Variants in CDK5RAP2 observed in about 807,000 individuals in gnomAD.
CDK5RAP2 encodes the protein CDK5 regulatory subunit-associated protein 2.
A neutral mutation model predicts 232.9 loss-of-function variants in CDK5RAP2; 147 were observed. The observed-to-expected ratio is 0.63, with a 90% confidence interval of 0.55 to 0.72. CDK5RAP2 has a LOEUF of 0.72. CDK5RAP2 is among the 30% of genes least tolerant of loss of function. CDK5RAP2 has a pLI of 0.00. For synonymous variants in CDK5RAP2, 833 were observed against 833.7 expected, an observed-to-expected ratio of 1.00 and a Z score of 0.01; for missense variants, 2,195 against 2,231.5, an observed-to-expected ratio of 0.98 and a Z score of 0.33.
At chr9:120,409,830 C>T in intron 29 of CDK5RAP2, among the ~76,000 whole-genome samples, 1 of 152,272 alleles carries the variant, frequency 6.6e-6, no homozygotes, top group East Asian at 1.9e-4. Flanking sequence ...AGGCCACATT[C>T]AAGAGCAGCT....
chr9:120,414,842 A>G (rs1475273598), intron 28 of CDK5RAP2, among the ~76,000 whole-genome samples, 198 bp downstream of exon 28: 1 of 152,218 alleles, frequency 6.6e-6, no homozygotes, highest in Non-Finnish European at 1.5e-5. Flanking sequence ...TAAAATTCCT[A>G]TCTATTTCTC....
intron 12 of CDK5RAP2, among the ~76,000 whole-genome samples, chr9:120,507,419 G>C (rs1438457202): frequency 1.3e-5 from 2 of 152,100 alleles, no homozygotes. Flanking sequence ...AGTAGAAGCA[G>C]GATTTGAAAC....
chr9:120,496,640 G>A, intron 12 of CDK5RAP2, among the ~76,000 whole-genome samples: 1 of 147,522 alleles, frequency 6.8e-6, no homozygotes, highest in African/African-American at 2.5e-5. Flanking sequence ...CTACTGGGAA[G>A]TGAGGAGCCC....
chr9:120,422,600 G>A lies in CDK5RAP2; in HGVS notation c.4004+93C>T, dbSNP rs146375259. On this transcript the variant is annotated intron_variant, in intron 26 of 37. Transcript: ENST00000349780. ...ATTTACAAGAAGCAGGAAACAAACA[G>A]AATGGGAAGGAGCCAAAATATTTTA... 765 of 929,514 alleles carry A rather than the reference G, an allele frequency of 8.2e-4. 7 individuals are homozygous for A. In the African/African-American group the frequency reaches 0.01, roughly 13 times the overall value. 57.6% of individuals were successfully genotyped at this position (929,514 alleles called of 1,614,324 possible). A position where few individuals can be genotyped will look rare whatever the true frequency, so the allele number is the denominator to read the frequency against.
At chr9:120,470,816 G>A (rs1273897739) in intron 16 of CDK5RAP2, among the ~76,000 whole-genome samples, 1 of 151,374 alleles carries the variant, frequency 6.6e-6, no homozygotes, top group Non-Finnish European at 1.5e-5. Flanking sequence ...GGGGGCGGGG[G>A]GAAGATGTGT....
Position 120,455,584 on chromosome 9 carries a change from A to G in CDK5RAP2, c.2376-1711T>C, listed in dbSNP as rs1005681675. Among the ~76,000 whole-genome samples the G allele has an allele frequency of 1.1e-4, 16 of 152,040 alleles. No individual in the cohort carries two copies. In the South Asian group the frequency reaches 2.7e-3, roughly 26 times the overall value. On this transcript the variant is annotated intron_variant, in intron 20 of 37. Transcript: ENST00000349780. ...GGTGAAACCCTATCTCTACAAAAAA[A>G]TACAAAAAATTAGCCAGGGATGATG...
intron 4 of CDK5RAP2, among the ~76,000 whole-genome samples, chr9:120,548,569 A>G (rs1382030828): frequency 6.6e-6 from 1 of 152,214 alleles, no homozygotes; most frequent in African/African-American, 2.4e-5. Context: ...CACTTTGGGA[A>G]GCCAAGGCAG....
Position 120,536,377 on chromosome 9 carries a change from T to C in CDK5RAP2, c.657A>G (p.Lys219=). 1 of 1,614,112 alleles carries C rather than the reference T, an allele frequency of 6.2e-7. No homozygotes were observed. The highest frequency in any genetic ancestry group is 8.5e-7 in the Non-Finnish European group (1 of 1,179,972). The part of the protein sequence containing the change: ...DLAMALVLDE[K]DRLIEELKLS... ...GACAGGGACAAGAGCCAGACCTGTC[T>C]TTCTCATCCAGGACCAGAGCCATCG... is the stretch of plus-strand genomic sequence containing the variant. Residue 219 remains lysine (K), a synonymous_variant, in exon 7 of 38, where the codon AAA becomes AAG. Transcript: ENST00000349780.
At chr9:120,499,481 A>G (rs1476229469) in intron 12 of CDK5RAP2, among the ~76,000 whole-genome samples, 1 of 152,136 alleles carries the variant, frequency 6.6e-6, no homozygotes, top group Non-Finnish European at 1.5e-5. Context: ...TCTTTTCTTA[A>G]TTTTAAAATA....
intron 23 of CDK5RAP2, among the ~76,000 whole-genome samples, chr9:120,442,445 A>G (rs931324715): frequency 6.6e-6 from 1 of 152,242 alleles, no homozygotes; most frequent in African/African-American, 2.4e-5. Context: ...AAGATGTCAC[A>G]CGCAGCACCC....
At chr9:120,524,930 AC>A in intron 11 of CDK5RAP2, 55 bp downstream of exon 11, 1 of 1,246,190 alleles carries the variant, frequency 8.0e-7, no homozygotes, top group Non-Finnish European at 1.2e-6. Context: ...CAAAGTCCTC[AC>A]CTCACCAGGG....
At chr9:120,494,542 T>C (rs75662679) in intron 12 of CDK5RAP2, among the ~76,000 whole-genome samples, 7 of 152,224 alleles carry the variant, frequency 4.6e-5, no homozygotes, top group African/African-American at 1.2e-4. Flanking sequence ...AAATAAATAA[T>C]GATAGTAATG....
intron 17 of CDK5RAP2, among the ~76,000 whole-genome samples, 187 bp downstream of exon 17, chr9:120,469,924 G>C (rs1472613274): frequency 6.6e-6 from 1 of 152,066 alleles, no homozygotes; most frequent in Non-Finnish European, 1.5e-5. Flanking sequence ...CAGGCCTGGG[G>C]AGTTTATCAG....
chr9:120,467,509 AG>A (rs887812831), intron 18 of CDK5RAP2, among the ~76,000 whole-genome samples: 16 of 152,236 alleles, frequency 1.1e-4, no homozygotes, highest in Admixed American at 5.2e-4. Context: ...AGACCTCCCC[AG>A]GAACAGATGC....
intron 12 of CDK5RAP2, among the ~76,000 whole-genome samples, chr9:120,495,206 TC>T (rs2039126132): frequency 2.5e-5 from 1 of 40,798 alleles, no homozygotes; most frequent in Non-Finnish European, 4.7e-5. Context: ...TGGCCGCCCA[TC>T]GTCTGGGATG....
At chr9:120,556,460 G>A (rs562152996) in intron 3 of CDK5RAP2, among the ~76,000 whole-genome samples, 63 of 147,872 alleles carry the variant, frequency 4.3e-4, no homozygotes, top group African/African-American at 1.4e-3. Context: ...ACAGAGTCTC[G>A]CTCTGTCACC....
intron 3 of CDK5RAP2, among the ~76,000 whole-genome samples, chr9:120,557,107 T>C (rs2042256997): frequency 1.3e-5 from 2 of 152,216 alleles, no homozygotes. Flanking sequence ...AATTTTTGTA[T>C]ATGGCAAAGC....
Position 120,550,802 on chromosome 9 carries a change from A to T in CDK5RAP2, c.296T>A (p.Ile99Asn). ...QQEFHGPTEH[I>N]YKTNIELKVE... is the part of the protein sequence containing the mutation. ...AAATGGGCCACTCACAGTTTTGTAG[A>T]TATGTTCAGTGGGGCCATGAAATTC... is the stretch of plus-strand genomic sequence containing the variant. Residue 99 changes from isoleucine (I) to asparagine (N), a missense_variant, in exon 4 of 38, where the codon ATC becomes AAC. By Grantham distance (149) the Ile-to-Asn change is moderately radical. Coordinates refer to ENST00000349780, the MANE Select transcript of CDK5RAP2 (RefSeq NM_018249.6). The T allele has an allele frequency of 1.3e-6, 2 of 1,592,294 alleles. No homozygotes were observed. Among genetic ancestry groups the T allele is most frequent in the Non-Finnish European group, 1.7e-6 (2 of 1,160,086 alleles).
rs564155632 is a variant in CDK5RAP2, at chr9:120,441,947, AG to A, written c.3148+1672del. Among the ~76,000 whole-genome samples the A allele has an allele frequency of 6.6e-5, 10 of 152,322 alleles. No homozygotes were observed. The East Asian group carries it at 1.9e-3, about 29-fold the overall frequency. ...TTCTGGCTGAACAAGAAAGAGAAAG[AG>A]GAACTGGGGAGGGAGATATCTCTCC... On this transcript the variant is annotated intron_variant, in intron 23 of 37. Transcript: ENST00000349780.
Sources: gnomAD v4.1 joint callset for allele counts (sites outside exome capture counted in the v4.1 genomes callset) on GRCh38, gnomAD v4.1.1 for gene constraint, MANE v1.5 for transcripts, NCBI Gene and HGNC (gene_info 2026-07-23, HGNC 2026-07-21) for gene names.